Variants in GPC5 observed in about 807,000 individuals in gnomAD.
GPC5 encodes the protein glypican-5.
GPC5 carries 47 observed loss-of-function variants against 53.9 expected under a neutral mutation model. That is an observed-to-expected ratio of 0.87 (90% CI 0.69 to 1.11). GPC5 has a LOEUF of 1.11. Among genes scored for constraint, GPC5 ranks in the 50% most tolerant of loss-of-function variants. GPC5 has a pLI of 0.00. For synonymous variants in GPC5, 286 were observed against 263.3 expected (o/e 1.09, Z -0.84); for missense variants, 748 against 713.1 (o/e 1.05, Z -0.56).
chr13:92,697,135 G>A (rs1008706540), intron 7 of GPC5, among the ~76,000 whole-genome samples: 6 of 151,454 alleles, frequency 4.0e-5, no homozygotes, highest in Non-Finnish European at 5.9e-5. Flanking sequence ...GTAGCGTGAT[G>A]CCTCCAGCTT....
At chr13:92,295,038 C>T (rs1407825717) in intron 7 of GPC5, among the ~76,000 whole-genome samples, 1 of 151,854 alleles carries the variant, frequency 6.6e-6, no homozygotes, top group Non-Finnish European at 1.5e-5. Flanking sequence ...CCATGTTGGC[C>T]AGGCTGGTCT....
At chr13:92,590,764 G>A (rs1399295911) in intron 7 of GPC5, among the ~76,000 whole-genome samples, 2 of 152,186 alleles carry the variant, frequency 1.3e-5, no homozygotes, top group Non-Finnish European at 2.9e-5. Context: ...TCATTGTTTT[G>A]TTTCCTTGTT....
At chr13:92,324,695 T>C (rs1247572423) in intron 7 of GPC5, among the ~76,000 whole-genome samples, 1 of 151,896 alleles carries the variant, frequency 6.6e-6, no homozygotes, top group Non-Finnish European at 1.5e-5. Context: ...CATATCATTA[T>C]GTAGTACTAC....
chr13:91,906,184 G>A (rs746857700), intron 5 of GPC5, among the ~76,000 whole-genome samples: 129 of 151,920 alleles, frequency 8.5e-4, no homozygotes, highest in Non-Finnish European at 1.5e-3. Context: ...ATGGAGGCCC[G>A]TTCTCCCTGT....
chr13:91,560,854 C>G (rs1022995434), intron 2 of GPC5, among the ~76,000 whole-genome samples: 6 of 152,102 alleles, frequency 3.9e-5, no homozygotes. Flanking sequence ...AGTTCTGACT[C>G]TTGCCCAATT....
chr13:92,508,572 G>T (rs1463168206), intron 7 of GPC5, among the ~76,000 whole-genome samples: 1 of 152,100 alleles, frequency 6.6e-6, no homozygotes, highest in Non-Finnish European at 1.5e-5. Flanking sequence ...TAAGTAACTT[G>T]CCCAAGGACA....
chr13:92,070,025 GC>G (rs1044818691), intron 6 of GPC5, among the ~76,000 whole-genome samples: 58 of 152,130 alleles, frequency 3.8e-4, no homozygotes, highest in African/African-American at 1.4e-3. Flanking sequence ...ATCACTATGA[GC>G]CCTTAAAAGC....
intron 7 of GPC5, among the ~76,000 whole-genome samples, chr13:92,257,189 A>G (rs968184465): frequency 1.5e-4 from 23 of 152,182 alleles, no homozygotes; most frequent in Non-Finnish European, 7.3e-5. Flanking sequence ...TCAAATAACT[A>G]TTTGAAGTAG....
chr13:92,301,655 G>A (rs1195498684), intron 7 of GPC5, among the ~76,000 whole-genome samples: 1 of 152,016 alleles, frequency 6.6e-6, no homozygotes, highest in African/African-American at 2.4e-5. Context: ...GGGAGACCAA[G>A]GCTTATGGAT....
At chr13:91,858,289 T>C (rs911819456) in intron 5 of GPC5, among the ~76,000 whole-genome samples, 8 of 151,962 alleles carry the variant, frequency 5.3e-5, no homozygotes, top group Non-Finnish European at 1.2e-4. Context: ...TTTAGTATGA[T>C]ACTAACTGAG....
At chr13:91,481,342 T>C (rs1386907308) in intron 2 of GPC5, among the ~76,000 whole-genome samples, 3 of 152,320 alleles carry the variant, frequency 2.0e-5, no homozygotes, top group Non-Finnish European at 4.4e-5. Context: ...TTTCAACTTA[T>C]TGCTCTTTTG....
chr13:91,787,739 A>G (rs1197084891), intron 5 of GPC5, among the ~76,000 whole-genome samples: 4 of 152,196 alleles, frequency 2.6e-5, no homozygotes, highest in African/African-American at 4.8e-5. Flanking sequence ...ATATTTATAA[A>G]CATGTATATT....
At chr13:92,365,916 T>G (rs933274628) in intron 7 of GPC5, among the ~76,000 whole-genome samples, 3 of 151,510 alleles carry the variant, frequency 2.0e-5, no homozygotes, top group Admixed American at 1.3e-4. Context: ...GAAAAAAGCA[T>G]GCACTCAAAA....
chr13:92,203,248 C>T (rs1284332641), intron 7 of GPC5, among the ~76,000 whole-genome samples: 3 of 151,036 alleles, frequency 2.0e-5, no homozygotes, highest in African/African-American at 7.3e-5. Context: ...AAATGTCCAA[C>T]AATGATAGAC....
At chr13:91,636,696 C>T (rs373613504) in intron 2 of GPC5, among the ~76,000 whole-genome samples, 18 of 152,076 alleles carry the variant, frequency 1.2e-4, no homozygotes, top group East Asian at 9.7e-4. Context: ...GACTCATGCC[C>T]GTAATCCCAG....
chr13:92,703,615 G>T (rs1310929366), intron 7 of GPC5, among the ~76,000 whole-genome samples: 1 of 148,054 alleles, frequency 6.8e-6, no homozygotes, highest in East Asian at 2.0e-4. Flanking sequence ...TATTAAAATT[G>T]ATGTATAATT....
intron 5 of GPC5, among the ~76,000 whole-genome samples, chr13:91,889,987 CAG>C (rs2039367706): frequency 6.6e-6 from 1 of 152,090 alleles, no homozygotes; most frequent in African/African-American, 2.4e-5. Flanking sequence ...TAGGGTATTT[CAG>C]TAGGAATATA....
At chr13:92,298,835 C>T (rs1249234581) in intron 7 of GPC5, among the ~76,000 whole-genome samples, 3 of 152,170 alleles carry the variant, frequency 2.0e-5, no homozygotes, top group Non-Finnish European at 4.4e-5. Context: ...TAATCTCGTC[C>T]TGCCTCTCGT....
At chr13:92,551,005 GC>G (rs1392294512) in intron 7 of GPC5, among the ~76,000 whole-genome samples, 7 of 151,844 alleles carry the variant, frequency 4.6e-5, no homozygotes, top group African/African-American at 1.7e-4. Context: ...ATCAAATAGA[GC>G]TTTAACTAGC....
Sources: allele counts gnomAD v4.1 joint callset (sites outside exome capture counted in the v4.1 genomes callset), GRCh38; gene constraint gnomAD v4.1.1; transcripts MANE v1.5; gene names NCBI Gene and HGNC (gene_info 2026-07-23, HGNC 2026-07-21).